Variants in NFS1 observed in about 807,000 individuals in gnomAD.
NFS1 encodes cysteine desulfurase.
NFS1 carries 26 observed loss-of-function variants against 57.3 expected under a neutral mutation model. The observed-to-expected ratio is 0.45, with a 90% CI of 0.33 to 0.63. NFS1 has a LOEUF of 0.63. Ranked by LOEUF, NFS1 falls within the 20% of genes least tolerant of loss-of-function variation. The pLI, the probability that NFS1 is intolerant of heterozygous loss-of-function variation, is 0.02. For synonymous variants in NFS1, 209 were observed against 216.3 expected (o/e 0.97, Z 0.30); for missense variants, 505 against 605.8 (o/e 0.83, Z 1.75).
chr20:35,681,008 TCTC>T, intron 6 of NFS1, 137 bp from the exon 7 acceptor site: 1 of 599,404 alleles, frequency 1.7e-6, no homozygotes, highest in East Asian at 3.4e-5. Context: ...TTCTACCCCT[TCTC>T]CTTCCTCTTT....
At chr20:35,686,573 A>G (rs2034948401) in intron 5 of NFS1, among the ~76,000 whole-genome samples, 1 of 152,148 alleles carries the variant, frequency 6.6e-6, no homozygotes, top group Non-Finnish European at 1.5e-5. Context: ...AGAACTCTGA[A>G]TATCAGGCAA....
rs554847314 is a variant in NFS1, at chr20:35,668,391, C to T, written c.*1231G>A. On this transcript the variant is annotated 3_prime_UTR_variant, in exon 13 of 13. Coordinates refer to ENST00000374092, the MANE Select transcript of NFS1 (RefSeq NM_021100.5). ...TATTCTTAAAATATGCATAAATGTA[C>T]TCTAACATACTATCTCCTTTTTTAA... 1.3e-5 allele frequency: 2 copies of T among 152,288 alleles called. No homozygotes were observed. The highest frequency in any genetic ancestry group is 3.9e-4 in the East Asian group (2 of 5,186). The allele number at this position is 152,288 out of a possible 1,614,324, so 9.4% of individuals were successfully genotyped here. A position where few individuals can be genotyped will look rare whatever the true frequency, so the allele number is the denominator to read the frequency against.
In NFS1 at chr20:35,681,218, C is replaced by CA. The variant is rs199785125; in HGVS notation, c.656-348dup. Among the ~76,000 whole-genome samples, 181 of 142,322 alleles carry CA rather than the reference C, an allele frequency of 1.3e-3. 2 individuals carry two copies. In the East Asian group the frequency reaches 0.025, roughly 20 times the overall value. 93.4% of individuals were successfully genotyped at this position (142,322 alleles called of 152,430 possible). ...TTCTAGATCCCTTTTGATTAAAAAACAAACAAAACAAAATAAAAAAAAAAA... is the reference window on the plus strand; with the variant it reads ...TTCTAGATCCCTTTTGATTAAAAAACAAAACAAAACAAAATAAAAAAAAAAA... On this transcript the variant is annotated intron_variant, in intron 6 of 12. Transcript: ENST00000374092.
intron 7 of NFS1, chr20:35,675,416 T>C: frequency 1.6e-6 from 1 of 612,978 alleles, no homozygotes; most frequent in Non-Finnish European, 2.9e-6. Flanking sequence ...GAAGGAGTAA[T>C]GATCAAAATG....
At chr20:35,690,610 G>C (rs1470443384) in intron 4 of NFS1, 45 bp from the exon 5 acceptor site, 6 of 1,595,694 alleles carry the variant, frequency 3.8e-6, no homozygotes, top group South Asian at 2.2e-5. Context: ...TACTCAGAGA[G>C]ACAGCAATGA....
At chr20:35,693,006 A>T (rs936414391) in intron 4 of NFS1, among the ~76,000 whole-genome samples, 1 of 150,248 alleles carries the variant, frequency 6.7e-6, no homozygotes, top group African/African-American at 2.4e-5. Context: ...CCCCTTGGGA[A>T]AAAAAAAAAG....
At chr20:35,688,059 C>T (rs944792989) in intron 5 of NFS1, among the ~76,000 whole-genome samples, 2 of 151,246 alleles carry the variant, frequency 1.3e-5, no homozygotes, top group African/African-American at 4.9e-5. Flanking sequence ...GCCTGGCCAA[C>T]ATGGTGAAAC....
chr20:35,693,313 G>A (rs560316844), intron 4 of NFS1, among the ~76,000 whole-genome samples: 195 of 152,000 alleles, frequency 1.3e-3, no homozygotes, highest in African/African-American at 4.6e-3. Context: ...GCCCAGGATG[G>A]TCTCGAACTC....
Position 35,699,132 on chromosome 20 carries a change from T to C in NFS1, c.97+60A>G. 4 of 1,363,664 alleles carry C rather than the reference T, an allele frequency of 2.9e-6. No homozygotes were observed. Among genetic ancestry groups the C allele is most frequent in the Non-Finnish European group, 3.8e-6 (4 of 1,065,018 alleles). 84.5% of individuals were successfully genotyped at this position (1,363,664 alleles called of 1,614,324 possible). ...GACAGGAAGGCTCCGGAATATTCAG[T>C]TGCGTCGCCGCGCGGAGGGGACAGG... On this transcript the variant is annotated intron_variant, in intron 1 of 12. Transcript: ENST00000374092. This position sits in a 1 kb window ranked among gnomAD's most constrained non-coding sequence, Gnocchi z 4.4.
rs1279977340 is a variant in NFS1, at chr20:35,681,233, A to T, written c.656-362T>A. Reference sequence around the variant, plus strand: ...GATTAAAAAACAAACAAAACAAAATAAAAAAAAAAAAACAAGATTAACAGA... The same window carrying T: ...GATTAAAAAACAAACAAAACAAAATTAAAAAAAAAAAACAAGATTAACAGA... On this transcript the variant is annotated intron_variant, in intron 6 of 12. Transcript: ENST00000374092. 1.0e-4 allele frequency among the ~76,000 whole-genome samples: 8 copies of T among 77,062 alleles called. No homozygotes were observed. In the South Asian group the frequency reaches 1.5e-3, roughly 15 times the overall value. The allele number at this position is 77,062 out of a possible 152,430, so 50.6% of individuals were successfully genotyped here.
At chr20:35,676,943 C>T (rs1389847586) in intron 7 of NFS1, among the ~76,000 whole-genome samples, 1 of 151,912 alleles carries the variant, frequency 6.6e-6, no homozygotes, top group Non-Finnish European at 1.5e-5. Flanking sequence ...CTCAGCTCAC[C>T]GCAACCTCCA....
chr20:35,693,767 T>C (rs947028646), intron 4 of NFS1, among the ~76,000 whole-genome samples: 2 of 152,030 alleles, frequency 1.3e-5, no homozygotes, highest in Admixed American at 6.6e-5. Context: ...ATCGAGACCA[T>C]CTTGGCTAAC....
intron 2 of NFS1, among the ~76,000 whole-genome samples, chr20:35,698,279 G>A (rs570866631): frequency 6.6e-6 from 1 of 152,390 alleles, no homozygotes; most frequent in South Asian, 2.1e-4. Context: ...CTGCGCTGAA[G>A]TGATCTGACC....
chr20:35,675,738 G>A (rs1253252760), intron 7 of NFS1: 6 of 154,942 alleles, frequency 3.9e-5, no homozygotes, highest in Admixed American at 3.8e-4. Context: ...TTAGCCAAGC[G>A]TGGTAGCAGG....
In NFS1 at chr20:35,699,173, G is replaced by A. The variant is rs1242932074; in HGVS notation, c.97+19C>T. The A allele has an allele frequency of 2.2e-5, 30 of 1,391,684 alleles. No homozygotes were observed. The highest frequency in any genetic ancestry group is 2.6e-5 in the Non-Finnish European group (28 of 1,082,692). 86.2% of individuals were successfully genotyped at this position (1,391,684 alleles called of 1,614,324 possible). On this transcript the variant is annotated intron_variant, in intron 1 of 12. Coordinates refer to ENST00000374092, the MANE Select transcript of NFS1 (RefSeq NM_021100.5). The surrounding 1 kb of genome is among the most constrained non-coding windows in gnomAD (Gnocchi z 4.4). ...AGGGGACAGGTCCGCGCCTCCCGGA[G>A]AGCGGGACCCGAGCGTACCGCGCAG...
At chr20:35,672,719 G>A (rs1247099343) in intron 12 of NFS1, 36 bp downstream of exon 12, 1 of 1,446,420 alleles carries the variant, frequency 6.9e-7, no homozygotes, top group Non-Finnish European at 9.7e-7. Flanking sequence ...CAGTGCTAGA[G>A]TTTCTTCCAA....
At position 35,690,393 on chromosome 20, in the gene NFS1, CT is replaced by C; in HGVS notation, c.561+19del. The C allele has an allele frequency of 6.2e-7, 1 of 1,603,936 alleles. No homozygotes were observed. The highest frequency in any genetic ancestry group is 8.5e-7 in the Non-Finnish European group (1 of 1,176,894). Reference sequence around the variant, plus strand: ...CCAGGCTCCTCCATTTTTGCTCCTCCTGCCAATAGCCACTCCTACCTTTAGG... The same window carrying C: ...CCAGGCTCCTCCATTTTTGCTCCTCCGCCAATAGCCACTCCTACCTTTAGG... On this transcript the variant is annotated intron_variant, in intron 5 of 12. Transcript: ENST00000374092.
chr20:35,685,536 T>C (rs1337804220), intron 5 of NFS1, among the ~76,000 whole-genome samples: 1 of 141,914 alleles, frequency 7.0e-6, no homozygotes, highest in African/African-American at 2.7e-5. Context: ...AAAAAAATTA[T>C]ATATTATATA....
rs774266655 is a variant in NFS1 at position 35,675,044 on chromosome 20, C to A, written c.948+1G>T. The stretch of plus-strand genomic sequence containing the variant: ...GTGGGAGGGAACTGCTCTCCCCATA[C>A]CTCCATCTCTTGCTGTGCCACCTCA... On this transcript the variant is annotated splice_donor_variant, in intron 8 of 12. Coordinates refer to ENST00000374092, the MANE Select transcript of NFS1 (RefSeq NM_021100.5). LOFTEE classifies it high-confidence loss of function. 2.0e-5 allele frequency: 33 copies of A among 1,613,840 alleles called. No homozygotes were observed. The highest frequency in any genetic ancestry group is 2.6e-5 in the Non-Finnish European group (31 of 1,179,892).
Sources: allele counts gnomAD v4.1 joint callset (sites outside exome capture counted in the v4.1 genomes callset), GRCh38; gene constraint gnomAD v4.1.1; non-coding constraint Gnocchi (gnomAD v3.1); transcripts MANE v1.5; gene names NCBI Gene and HGNC (gene_info 2026-07-23, HGNC 2026-07-21).